Variants in GRM7 observed in about 807,000 individuals in gnomAD.
GRM7 encodes the protein metabotropic glutamate receptor 7.
Under a neutral mutation model 84.5 loss-of-function variants are expected in GRM7, and 35 were observed. The observed-to-expected ratio is 0.41, with a 90% CI of 0.32 to 0.55. The LOEUF (loss-of-function observed/expected upper bound fraction) is 0.55, where lower values mean the gene tolerates loss of function less well. Ranked by LOEUF, GRM7 falls within the 20% of genes least tolerant of loss-of-function variation. GRM7 has a pLI of 0.19. For synonymous variants in GRM7, 487 were observed against 455.1 expected (o/e 1.07, Z -0.89); for missense variants, 1,003 against 1,194.6 (o/e 0.84, Z 2.36).
At chr3:7,042,406 C>G (rs888058411) in intron 1 of GRM7, among the ~76,000 whole-genome samples, 2 of 152,136 alleles carry the variant, frequency 1.3e-5, no homozygotes, top group South Asian at 4.1e-4. Context: ...AGAAAATAAG[C>G]TTTGGTTTTA....
At chr3:7,264,140 C>G (rs1189290063) in intron 2 of GRM7, among the ~76,000 whole-genome samples, 1 of 152,088 alleles carries the variant, frequency 6.6e-6, no homozygotes, top group African/African-American at 2.4e-5. Context: ...GCAAGTGCAG[C>G]CAGGCTGGGA....
intron 1 of GRM7, among the ~76,000 whole-genome samples, chr3:6,956,051 A>T (rs1693035769): frequency 6.6e-6 from 1 of 152,314 alleles, no homozygotes; most frequent in South Asian, 2.1e-4. Flanking sequence ...TAGTAAAGAC[A>T]AATTCCATTG....
chr3:7,661,069 T>G (rs1008003946), intron 8 of GRM7, among the ~76,000 whole-genome samples: 3 of 152,214 alleles, frequency 2.0e-5, no homozygotes, highest in African/African-American at 7.2e-5. Context: ...TTAGGTATCA[T>G]GCCGAACACA....
chr3:7,604,714 T>C (rs916826815), intron 8 of GRM7, among the ~76,000 whole-genome samples: 1 of 152,158 alleles, frequency 6.6e-6, no homozygotes, highest in African/African-American at 2.4e-5. Flanking sequence ...CCTATTACGT[T>C]CTGGTAGAAA....
At chr3:7,121,401 C>G (rs555924646) in intron 1 of GRM7, among the ~76,000 whole-genome samples, 3 of 150,248 alleles carry the variant, frequency 2.0e-5, no homozygotes, top group African/African-American at 7.5e-5. Flanking sequence ...CATTGTAAGG[C>G]GTTGTGTTTA....
intron 1 of GRM7, among the ~76,000 whole-genome samples, chr3:7,104,882 C>T (rs1166986882): frequency 1.3e-5 from 2 of 151,744 alleles, no homozygotes; most frequent in Non-Finnish European, 2.9e-5. Flanking sequence ...TCTGGTCTGG[C>T]ATCCAGAATG....
chr3:7,556,865 G>C (rs1005011404), intron 7 of GRM7, among the ~76,000 whole-genome samples: 1 of 152,162 alleles, frequency 6.6e-6, no homozygotes, highest in Non-Finnish European at 1.5e-5. Flanking sequence ...AGAAAGAAAA[G>C]CCATCCATGA....
chr3:7,207,631 C>T (rs975987757), intron 2 of GRM7, among the ~76,000 whole-genome samples: 2 of 152,114 alleles, frequency 1.3e-5, no homozygotes, highest in African/African-American at 4.8e-5. Context: ...ATTCCTAATA[C>T]TAGTGTCTTC....
At chr3:7,214,167 A>G (rs997547715) in intron 2 of GRM7, among the ~76,000 whole-genome samples, 14 of 152,108 alleles carry the variant, frequency 9.2e-5, no homozygotes, top group African/African-American at 2.7e-4. Flanking sequence ...AAGAACTCAT[A>G]AATGAAGCAT....
intron 2 of GRM7, among the ~76,000 whole-genome samples, chr3:7,276,734 CCTGTTTCTTT>C (rs1396566906): frequency 6.1e-5 from 6 of 98,910 alleles, no homozygotes; most frequent in African/African-American, 2.2e-4. Flanking sequence ...ATCAGCAACT[CCTGTTTCTTT>C]CTGTTTCTTT....
At chr3:7,585,511 A>C (rs1695479952) in intron 8 of GRM7, among the ~76,000 whole-genome samples, 1 of 152,214 alleles carries the variant, frequency 6.6e-6, no homozygotes, top group Non-Finnish European at 1.5e-5. Flanking sequence ...AGCTAAAACT[A>C]ATAAGGGAAT....
chr3:7,299,976 G>A (rs1011907754), intron 3 of GRM7, among the ~76,000 whole-genome samples: 2 of 151,188 alleles, frequency 1.3e-5, no homozygotes, highest in African/African-American at 4.8e-5. Context: ...AACATAACAT[G>A]CAAATATACT....
chr3:7,158,449 A>G (rs986072794), intron 2 of GRM7, among the ~76,000 whole-genome samples: 1 of 152,098 alleles, frequency 6.6e-6, no homozygotes, highest in African/African-American at 2.4e-5. Flanking sequence ...TTGCCTGGTA[A>G]ACCCTCCCCT....
intron 2 of GRM7, among the ~76,000 whole-genome samples, chr3:7,249,050 C>G (rs991971575): frequency 2.6e-5 from 4 of 152,208 alleles, no homozygotes; most frequent in Non-Finnish European, 5.9e-5. Context: ...GGACTTTACC[C>G]TGAAATTCAC....
chr3:7,461,818 G>A, intron 7 of GRM7, 96 bp downstream of exon 7: 2 of 1,159,954 alleles, frequency 1.7e-6, no homozygotes, highest in South Asian at 1.3e-5. Flanking sequence ...TAATGTTTGT[G>A]TGCATATACA....
intron 1 of GRM7, among the ~76,000 whole-genome samples, chr3:7,145,901 G>T (rs948329074): frequency 3.3e-5 from 5 of 152,126 alleles, no homozygotes; most frequent in African/African-American, 9.7e-5. Flanking sequence ...CTTCCCTGGG[G>T]CAAAGGGTAT....
At chr3:7,308,344 A>G (rs778186088) in intron 4 of GRM7, among the ~76,000 whole-genome samples, 4 of 131,900 alleles carry the variant, frequency 3.0e-5, no homozygotes, top group Admixed American at 7.5e-5. Context: ...CATTCCTTCT[A>G]TGGCATCCCA....
At chr3:7,044,413 C>T (rs2124945457) in intron 1 of GRM7, among the ~76,000 whole-genome samples, 1 of 152,114 alleles carries the variant, frequency 6.6e-6, no homozygotes, top group East Asian at 1.9e-4. Flanking sequence ...GAGAGGTGAT[C>T]TTTATATTTT....
chr3:7,201,549 G>A (rs1182190351), intron 2 of GRM7, among the ~76,000 whole-genome samples: 1 of 152,078 alleles, frequency 6.6e-6, no homozygotes, highest in Non-Finnish European at 1.5e-5. Context: ...TAGACAAAAC[G>A]CTGATAGTAA....
Sources: allele counts gnomAD v4.1 joint callset (sites outside exome capture counted in the v4.1 genomes callset), GRCh38; gene constraint gnomAD v4.1.1; transcripts MANE v1.5; gene names NCBI Gene and HGNC (gene_info 2026-07-23, HGNC 2026-07-21).